The following ARID2 variants were observed in gnomAD, a reference collection of about 807,000 sequenced individuals.
ARID2 encodes the protein AT-rich interactive domain-containing protein 2.
ARID2 carries 32 observed loss-of-function variants against 184.6 expected under a neutral mutation model. The ratio of observed to expected loss-of-function variants is 0.17; its 90% confidence interval spans 0.13 to 0.23. The LOEUF is 0.23. Among genes scored for constraint, ARID2 ranks in the 10% least tolerant of loss-of-function variants. The pLI is 1.00. For missense variants in ARID2, 1,696 were observed against 2,197.6 expected, an observed-to-expected ratio of 0.77 and a Z score of 4.56; for synonymous variants, 836 against 772.6, an observed-to-expected ratio of 1.08 and a Z score of -1.36.
intron 18 of ARID2, among the ~76,000 whole-genome samples, chr12:45,892,744 A>ATATC (rs1208510812): frequency 1.3e-5 from 2 of 152,104 alleles, no homozygotes; most frequent in African/African-American, 4.8e-5. Context: ...ACAGATAATG[A>ATATC]TGCACTATAT....
rs1326799733 is a variant in ARID2 at position 45,851,177 on chromosome 12, A to G, written c.3054A>G (p.Ser1018=). The change falls in exon 15 of 21, where the codon TCA becomes TCG. Residue 1018 remains serine (S), a synonymous_variant. Transcript: ENST00000334344. Reference sequence around the variant, plus strand: ...AAAGGCAGCAACAGCAGCAACATTCACCAGCACCCCCACCACAGCAGGTAC... The same window carrying G: ...AAAGGCAGCAACAGCAGCAACATTCGCCAGCACCCCCACCACAGCAGGTAC... ...SVKRQQQQQH[S]PAPPPQQVQV... 6.2e-7 allele frequency: 1 copy of G among 1,614,116 alleles called. No homozygotes were observed. Among genetic ancestry groups the G allele is most frequent in the Non-Finnish European group, 8.5e-7 (1 of 1,180,008 alleles).
chr12:45,853,316 G>T (rs1327217703), intron 15 of ARID2, among the ~76,000 whole-genome samples: 1 of 152,062 alleles, frequency 6.6e-6, no homozygotes, highest in Non-Finnish European at 1.5e-5. Flanking sequence ...TAACAGTACT[G>T]TTGTAATAAG....
At chr12:45,742,398 A>G (rs1399849730) in intron 3 of ARID2, among the ~76,000 whole-genome samples, 1 of 152,208 alleles carries the variant, frequency 6.6e-6, no homozygotes, top group African/African-American at 2.4e-5. Flanking sequence ...CTTATAGCCT[A>G]GGTATGTAGT....
At chr12:45,854,137 G>A (rs1943603714) in intron 15 of ARID2, among the ~76,000 whole-genome samples, 1 of 152,170 alleles carries the variant, frequency 6.6e-6, no homozygotes, top group African/African-American at 2.4e-5. Context: ...CTCCTTAGGA[G>A]AATCTAACGC....
At chr12:45,739,265 C>T (rs1941198524) in intron 3 of ARID2, among the ~76,000 whole-genome samples, 1 of 152,066 alleles carries the variant, frequency 6.6e-6, no homozygotes, top group South Asian at 2.1e-4. Context: ...AGGCGTGAGC[C>T]ACTGCGCCCG....
Position 45,845,022 on chromosome 12 carries a change from G to T in ARID2, c.1499-1834G>T, listed in dbSNP as rs113024347. Among the ~76,000 whole-genome samples, 700 of 152,326 alleles carry T rather than the reference G, an allele frequency of 4.6e-3. 4 individuals are homozygous for T. Among genetic ancestry groups the T allele is most frequent in the Non-Finnish European group, 7.5e-3 (511 of 68,020 alleles). ...TTCAAAGTATAAGCACCTTCATTTA[G>T]AATGTCTTCAGGTATCCTGAGGGCA... On this transcript the variant is annotated intron_variant, in intron 11 of 20. Coordinates refer to ENST00000334344, the MANE Select transcript of ARID2 (RefSeq NM_152641.4).
At chr12:45,897,977 T>C (rs1944391634) in intron 20 of ARID2, among the ~76,000 whole-genome samples, 1 of 151,926 alleles carries the variant, frequency 6.6e-6, no homozygotes, top group African/African-American at 2.4e-5. Flanking sequence ...TTTGTGTTTT[T>C]AGTAGAGACG....
At chr12:45,864,921 A>T (rs796149187) in intron 16 of ARID2, among the ~76,000 whole-genome samples, 1 of 152,200 alleles carries the variant, frequency 6.6e-6, no homozygotes, top group African/African-American at 2.4e-5. Flanking sequence ...GTTGCTCACT[A>T]TCACCCTGCA....
chr12:45,901,193 CAG>C (rs1218952076), intron 20 of ARID2, among the ~76,000 whole-genome samples: 2 of 76,564 alleles, frequency 2.6e-5, no homozygotes, highest in African/African-American at 5.8e-5. Flanking sequence ...TTTTTTGAGA[CAG>C]AGTCTCGCTC....
chr12:45,765,293 G>A (rs1052787275), intron 3 of ARID2, among the ~76,000 whole-genome samples: 2 of 151,758 alleles, frequency 1.3e-5, no homozygotes, highest in African/African-American at 4.8e-5. Flanking sequence ...TTGCAGCCTC[G>A]ACTCCTGTGC....
chr12:45,856,382 C>T (rs1943651437), intron 15 of ARID2, among the ~76,000 whole-genome samples: 1 of 152,148 alleles, frequency 6.6e-6, no homozygotes, highest in Non-Finnish European at 1.5e-5. Flanking sequence ...TCTTTATATA[C>T]TCTTTAAAGT....
intron 3 of ARID2, among the ~76,000 whole-genome samples, chr12:45,770,202 G>A (rs749810947): frequency 7.2e-5 from 11 of 151,802 alleles, no homozygotes; most frequent in Non-Finnish European, 1.3e-4. Context: ...GCAGTGAGCC[G>A]AGATCGTGCC....
chr12:45,744,993 A>G (rs1188886531), intron 3 of ARID2, among the ~76,000 whole-genome samples: 2 of 152,196 alleles, frequency 1.3e-5, no homozygotes, highest in Non-Finnish European at 2.9e-5. Flanking sequence ...GTGTTTGTGC[A>G]GGCACGTGTG....
In ARID2 at chr12:45,892,624, C is replaced by T. The variant is rs143022330; in HGVS notation, c.5147+528C>T. Reference sequence around the variant, plus strand: ...TAAAAATATATCAGAAATACCCCTGCTTTTCAGATGTGAAAAGAAATATTG... The same window carrying T: ...TAAAAATATATCAGAAATACCCCTGTTTTTCAGATGTGAAAAGAAATATTG... On this transcript the variant is annotated intron_variant, in intron 18 of 20. Transcript: ENST00000334344. Among the ~76,000 whole-genome samples the T allele has an allele frequency of 3.3e-5, 5 of 152,192 alleles. No homozygotes were observed. In the East Asian group the frequency reaches 7.7e-4, roughly 23 times the overall value.
intron 3 of ARID2, among the ~76,000 whole-genome samples, chr12:45,761,164 C>A (rs1366821424): frequency 1.3e-5 from 2 of 152,230 alleles, no homozygotes; most frequent in African/African-American, 4.8e-5. Context: ...TTGAATCTTT[C>A]TCTTCTCCCT....
In ARID2 at chr12:45,850,581, C is replaced by G. The variant is rs1343039962; in HGVS notation, c.2458C>G (p.Gln820Glu). The change falls in exon 15 of 21, where the codon CAG becomes GAG. Residue 820 changes from glutamine (Q) to glutamate (E), a missense_variant. Gln to Glu is a conservative substitution (Grantham distance 29, BLOSUM62 2). Coordinates refer to ENST00000334344, the MANE Select transcript of ARID2 (RefSeq NM_152641.4). ...TACTTCTACAGTTTCACAGGGTCAACAGTTAATCACCACATCACCCCAACC... is the reference window on the plus strand; with the variant it reads ...TACTTCTACAGTTTCACAGGGTCAAGAGTTAATCACCACATCACCCCAACC... ...ACTSTVSQGQ[Q>E]LITTSPQPVQ... 4 of 1,613,990 alleles carry G rather than the reference C, an allele frequency of 2.5e-6. No homozygotes were observed. Among genetic ancestry groups the G allele is most frequent in the Non-Finnish European group, 3.4e-6 (4 of 1,180,008 alleles).
intron 3 of ARID2, among the ~76,000 whole-genome samples, chr12:45,787,044 C>T (rs1942207600): frequency 6.6e-6 from 1 of 151,922 alleles, no homozygotes. Flanking sequence ...GAAATAAGTT[C>T]CAGAGATCTG....
At chr12:45,816,281 T>C (rs1942801636) in intron 4 of ARID2, among the ~76,000 whole-genome samples, 1 of 152,202 alleles carries the variant, frequency 6.6e-6, no homozygotes, top group Non-Finnish European at 1.5e-5. Flanking sequence ...AAGTAAATAT[T>C]TGTAACTCAG....
At chr12:45,734,449 G>T (rs1391879421) in intron 3 of ARID2, among the ~76,000 whole-genome samples, 1 of 152,080 alleles carries the variant, frequency 6.6e-6, no homozygotes, top group Non-Finnish European at 1.5e-5. Context: ...TTATTTTCAT[G>T]TAGTTCCTTT....
Sources: gnomAD v4.1 joint callset for allele counts (sites outside exome capture counted in the v4.1 genomes callset) on GRCh38, gnomAD v4.1.1 for gene constraint, MANE v1.5 for transcripts, NCBI Gene and HGNC (gene_info 2026-07-23, HGNC 2026-07-21) for gene names.